The following ARMC2 variants were observed in gnomAD, a reference collection of about 807,000 sequenced individuals.
ARMC2 encodes armadillo repeat containing 2, also known as armadillo repeat-containing protein 2.
A neutral mutation model predicts 90.3 loss-of-function variants in ARMC2; 67 were observed. The ratio of observed to expected loss-of-function variants is 0.74; its 90% CI spans 0.61 to 0.91. ARMC2 has a LOEUF of 0.91. Among genes scored for constraint, ARMC2 ranks in the 40% least tolerant of loss-of-function variants. The pLI is 0.00. For synonymous variants in ARMC2, 393 were observed against 393.0 expected, an observed-to-expected ratio of 1.00 and a Z score of 0.00; for missense variants, 920 against 1,030.9, an observed-to-expected ratio of 0.89 and a Z score of 1.47.
intron 13 of ARMC2, among the ~76,000 whole-genome samples, chr6:108,960,947 C>A (rs561523058): frequency 6.6e-6 from 1 of 152,216 alleles, no homozygotes; most frequent in South Asian, 2.1e-4. Flanking sequence ...GTGAACCAGA[C>A]GACGCAGTCT....
At chr6:108,896,401 A>G (rs964391587) in intron 6 of ARMC2, among the ~76,000 whole-genome samples, 2 of 152,160 alleles carry the variant, frequency 1.3e-5, no homozygotes, top group African/African-American at 2.4e-5. Flanking sequence ...CAACCTTATT[A>G]TTATTTGTGT....
Position 108,928,159 on chromosome 6 carries a change from T to C in ARMC2, c.1422T>C (p.Leu474=), listed in dbSNP as rs753393486. The change falls in exon 11 of 18, where the codon CTT becomes CTC. Residue 474 remains leucine, a synonymous_variant. Transcript: ENST00000392644. ...VRSKFLNISA[L]PQLCTAMEQY... ...GTAAGTTCCTAAACATCAGTGCCCT[T>C]CCCCAGCTCTGCACGGCAATGGAAC... 4 of 1,613,272 alleles carry C rather than the reference T, an allele frequency of 2.5e-6. No individual in the cohort carries two copies. Among genetic ancestry groups the C allele is most frequent in the South Asian group, 1.1e-5 (1 of 90,950 alleles).
At chr6:108,950,502 C>T (rs1048988113) in intron 12 of ARMC2, among the ~76,000 whole-genome samples, 2 of 152,114 alleles carry the variant, frequency 1.3e-5, no homozygotes, top group South Asian at 4.1e-4. Flanking sequence ...AGGCCATTAT[C>T]CTTAGCAAAC....
rs146511778 is a variant in ARMC2 at position 108,865,313 on chromosome 6, A to T, written c.292-3511A>T. 4.1e-3 allele frequency among the ~76,000 whole-genome samples: 620 copies of T among 152,208 alleles called. 2 individuals carry two copies. The highest frequency in any genetic ancestry group is 0.014 in the African/African-American group (581 of 41,538). ...GTGAAAATTTAAACTTACTTGCAAC[A>T]TTTTCTGATTTCTAAAATTATTCAA... On this transcript the variant is annotated intron_variant, in intron 3 of 17. Coordinates refer to ENST00000392644, the MANE Select transcript of ARMC2 (RefSeq NM_032131.6).
chr6:109,048,104 TAA>T, the ARMC2 span, among the ~76,000 whole-genome samples: 15,460 of 146,574 alleles, frequency 0.11, 951 homozygotes, highest in Middle Eastern at 0.19. Context: ...AAAAATAAAT[TAA>T]AAAAAAAAAA....
At chr6:108,896,794 T>G (rs542993304) in intron 6 of ARMC2, among the ~76,000 whole-genome samples, 1 of 152,344 alleles carries the variant, frequency 6.6e-6, no homozygotes, top group South Asian at 2.1e-4. Flanking sequence ...AGTTCTCTAT[T>G]AAGCAGCATA....
chr6:109,036,280 A>G, the ARMC2 span, among the ~76,000 whole-genome samples: 3 of 152,124 alleles, frequency 2.0e-5, no homozygotes, highest in Non-Finnish European at 2.9e-5. Context: ...CTATGCAGTT[A>G]AAATCAGCTT....
chr6:108,876,032 A>G (rs1776895747), intron 4 of ARMC2, 111 bp from the exon 5 acceptor site: 1 of 951,736 alleles, frequency 1.1e-6, no homozygotes, highest in Non-Finnish European at 1.6e-6. Flanking sequence ...AATTATAAGC[A>G]ATGTATAACT....
Position 108,961,790 on chromosome 6 carries a change from C to T in ARMC2, c.2038+96C>T, listed in dbSNP as rs1778018878. On this transcript the variant is annotated intron_variant, in intron 14 of 17. Transcript: ENST00000392644. Reference sequence around the variant, plus strand: ...AGCAGGAGACATTACTATCTTCTGCCTTCTGGTACAGAAATGTCTTAGAGC... The same window carrying T: ...AGCAGGAGACATTACTATCTTCTGCTTTCTGGTACAGAAATGTCTTAGAGC... The T allele has an allele frequency of 5.9e-6, 8 of 1,352,202 alleles. No individual in the cohort carries two copies. The South Asian group carries it at 1.2e-4, about 20-fold the overall frequency. The allele number at this position is 1,352,202 out of a possible 1,614,324, so 83.8% of individuals were successfully genotyped here.
chr6:108,897,909 G>A (rs1771760148), intron 6 of ARMC2, among the ~76,000 whole-genome samples: 1 of 151,952 alleles, frequency 6.6e-6, no homozygotes, highest in South Asian at 2.1e-4. Flanking sequence ...TATTAATATG[G>A]ATATTTACTA....
the ARMC2 span, among the ~76,000 whole-genome samples, chr6:108,988,089 T>C: frequency 1.3e-5 from 2 of 152,180 alleles, no homozygotes; most frequent in African/African-American, 4.8e-5. Flanking sequence ...CCACCATACC[T>C]GGCCTAATAT....
rs115340004 is a variant in ARMC2, at chr6:108,872,112, C to T, written c.463+3117C>T. The stretch of plus-strand genomic sequence containing the variant: ...AGGCTTTGTGGAGTAACTGAGGCTG[C>T]AGAAATGGAGGGCATCCCTTTGTTT... On this transcript the variant is annotated intron_variant, in intron 4 of 17. Transcript: ENST00000392644. Among the ~76,000 whole-genome samples the T allele has an allele frequency of 4.2e-3, 638 of 152,294 alleles. 3 individuals are homozygous for T. Among genetic ancestry groups the T allele is most frequent in the African/African-American group, 0.014 (598 of 41,548 alleles).
the ARMC2 span, among the ~76,000 whole-genome samples, chr6:109,014,345 T>G: frequency 1.1e-4 from 17 of 152,208 alleles, 1 homozygote; most frequent in Admixed American, 1.1e-3. Context: ...ATAAAGCAGA[T>G]GTAATTATTT....
At chr6:108,961,959 C>A in intron 14 of ARMC2, 55 bp from the exon 15 acceptor site, 1 of 1,266,468 alleles carries the variant, frequency 7.9e-7, no homozygotes, top group South Asian at 1.3e-5. Context: ...TTTCCATTAA[C>A]CTTTAAGTTA....
chr6:108,918,413 G>T (rs1374959395), intron 10 of ARMC2, among the ~76,000 whole-genome samples: 1 of 152,114 alleles, frequency 6.6e-6, no homozygotes, highest in Non-Finnish European at 1.5e-5. Context: ...GTGCTCTCTT[G>T]CTCTCTTTCA....
At position 108,901,901 on chromosome 6, in the gene ARMC2, G is replaced by A. The variant is rs115937460; in HGVS notation, c.847+2109G>A. On this transcript the variant is annotated intron_variant, in intron 7 of 17. Transcript: ENST00000392644. ...CTTTCGTGATCTTGATGTATTTGAGGAATATTTTACAGACTGTCCCGCAAA... is the reference window on the plus strand; with the variant it reads ...CTTTCGTGATCTTGATGTATTTGAGAAATATTTTACAGACTGTCCCGCAAA... Among the ~76,000 whole-genome samples the A allele has an allele frequency of 4.2e-3, 636 of 152,270 alleles. 3 individuals carry two copies. Among genetic ancestry groups the A allele is most frequent in the African/African-American group, 0.014 (597 of 41,534 alleles).
At chr6:108,940,475 T>C (rs1268248518) in intron 12 of ARMC2, among the ~76,000 whole-genome samples, 1 of 152,210 alleles carries the variant, frequency 6.6e-6, no homozygotes, top group Non-Finnish European at 1.5e-5. Context: ...GTGTGATGTT[T>C]ACATAGCACG....
intron 10 of ARMC2, among the ~76,000 whole-genome samples, chr6:108,917,504 G>T (rs754239348): frequency 3.9e-5 from 6 of 152,108 alleles, no homozygotes; most frequent in Non-Finnish European, 7.3e-5. Flanking sequence ...GACAATTTGA[G>T]CCTGGATAGT....
At chr6:108,929,003 T>C (rs1282526751) in intron 11 of ARMC2, among the ~76,000 whole-genome samples, 1 of 152,126 alleles carries the variant, frequency 6.6e-6, no homozygotes, top group African/African-American at 2.4e-5. Context: ...TCAACTTGTA[T>C]TATAGATTAA....
Sources: gnomAD v4.1 joint callset for allele counts (sites outside exome capture counted in the v4.1 genomes callset) on GRCh38, gnomAD v4.1.1 for gene constraint, MANE v1.5 for transcripts, NCBI Gene and HGNC (gene_info 2026-07-23, HGNC 2026-07-21) for gene names.